Variants in DNM3 observed in about 807,000 individuals in gnomAD.
DNM3 encodes dynamin-3.
DNM3 carries 47 observed loss-of-function variants against 101.6 expected under a neutral mutation model. The ratio of observed to expected loss-of-function variants is 0.46; its 90% confidence interval spans 0.37 to 0.59. The LOEUF (loss-of-function observed/expected upper bound fraction) is 0.59, where lower values mean the gene tolerates loss of function less well. Ranked by LOEUF, DNM3 falls within the 20% of genes least tolerant of loss-of-function variation. The pLI is 0.00. For synonymous variants in DNM3, 385 were observed against 387.9 expected (o/e 0.99, Z 0.09); for missense variants, 849 against 1,085.7 (o/e 0.78, Z 3.06).
Position 172,408,419 on chromosome 1 carries a change from G to T in DNM3, c.*578G>T. On this transcript the variant is annotated 3_prime_UTR_variant, in exon 21 of 21. Coordinates refer to ENST00000627582, the MANE Select transcript of DNM3 (RefSeq NM_015569.5). ...CTTTTCCAGAAGCACGAGGTAGTTT[G>T]CAAAGGAAAAGTCTGCACTGTTTGC... The T allele has an allele frequency of 3.0e-6, 3 of 985,754 alleles. No homozygotes were observed. The South Asian group carries it at 1.4e-4, about 46-fold the overall frequency. The allele number at this position is 985,754 out of a possible 1,614,324, so 61.1% of individuals were successfully genotyped here. A position where few individuals can be genotyped will look rare whatever the true frequency, so the allele number is the denominator to read the frequency against.
At chr1:172,112,333 T>G (rs551571024) in intron 13 of DNM3, among the ~76,000 whole-genome samples, 1 of 152,306 alleles carries the variant, frequency 6.6e-6, no homozygotes, top group African/African-American at 2.4e-5. Flanking sequence ...ACATGTAGTA[T>G]GTGGTAGAGC....
chr1:172,023,745 C>A (rs1170693488), intron 4 of DNM3, among the ~76,000 whole-genome samples: 1 of 151,910 alleles, frequency 6.6e-6, no homozygotes. Context: ...TGAATAGGAT[C>A]TCTCCAACCC....
At chr1:172,247,182 C>T (rs909921683) in intron 14 of DNM3, among the ~76,000 whole-genome samples, 1 of 151,988 alleles carries the variant, frequency 6.6e-6, no homozygotes, top group Non-Finnish European at 1.5e-5. Flanking sequence ...GTGTGGTCTA[C>T]GCACGTTTTT....
chr1:172,233,261 T>G (rs1183391169), intron 14 of DNM3, among the ~76,000 whole-genome samples: 1 of 151,872 alleles, frequency 6.6e-6, no homozygotes, highest in Non-Finnish European at 1.5e-5. Context: ...TATAAACAAC[T>G]CTCTACACAA....
Position 172,409,086 on chromosome 1 carries a change from T to C in DNM3, c.*1245T>C, listed in dbSNP as rs545434969. On this transcript the variant is annotated 3_prime_UTR_variant, in exon 21 of 21. Transcript: ENST00000627582. ...CAGAACAGTTTAGCCTGGGGGTTAA[T>C]AGTTAAGTCTTGAGGCTAAGTTTTG... 2.9e-5 allele frequency: 29 copies of C among 985,380 alleles called. No homozygotes were observed. The African/African-American group carries it at 3.8e-4, about 13-fold the overall frequency. 61.0% of individuals were successfully genotyped at this position (985,380 alleles called of 1,614,324 possible). A position where few individuals can be genotyped will look rare whatever the true frequency, so the allele number is the denominator to read the frequency against.
intron 4 of DNM3, among the ~76,000 whole-genome samples, chr1:172,011,546 A>T (rs1166574199): frequency 1.3e-5 from 2 of 151,996 alleles, no homozygotes; most frequent in Non-Finnish European, 2.9e-5. Context: ...CCAAGCAGAA[A>T]GTGAGTAATG....
intron 17 of DNM3, among the ~76,000 whole-genome samples, chr1:172,362,635 C>T (rs1573607053): frequency 6.6e-6 from 1 of 151,798 alleles, no homozygotes; most frequent in East Asian, 1.9e-4. Flanking sequence ...CATCTTTGAC[C>T]CAACCCTGGT....
At chr1:171,900,156 G>A (rs553077852) in intron 1 of DNM3, among the ~76,000 whole-genome samples, 200 of 152,310 alleles carry the variant, frequency 1.3e-3, no homozygotes, top group African/African-American at 4.5e-3. Flanking sequence ...AGTGCTATTC[G>A]CACTGTATGT....
chr1:172,348,850 T>A (rs1463403905), intron 17 of DNM3, among the ~76,000 whole-genome samples: 1 of 152,226 alleles, frequency 6.6e-6, no homozygotes, highest in African/African-American at 2.4e-5. Flanking sequence ...TGGAAAAGAC[T>A]AAGGCTTGGA....
At chr1:172,051,582 A>AC (rs773023290) in intron 10 of DNM3, among the ~76,000 whole-genome samples, 7 of 152,172 alleles carry the variant, frequency 4.6e-5, no homozygotes, top group Non-Finnish European at 1.0e-4. Context: ...AATGCTGATC[A>AC]CCCCCTTCAT....
intron 14 of DNM3, among the ~76,000 whole-genome samples, chr1:172,160,191 T>C (rs1011964977): frequency 2.0e-5 from 3 of 152,062 alleles, no homozygotes; most frequent in African/African-American, 7.2e-5. Context: ...AATTACTGTA[T>C]GCTACTGCAG....
At chr1:172,101,573 C>T (rs2054642063) in intron 13 of DNM3, among the ~76,000 whole-genome samples, 1 of 152,166 alleles carries the variant, frequency 6.6e-6, no homozygotes, top group South Asian at 2.1e-4. Context: ...GGGTGTTTTA[C>T]ACACATTAGC....
At chr1:172,326,563 T>C (rs1284130017) in intron 17 of DNM3, among the ~76,000 whole-genome samples, 6 of 152,160 alleles carry the variant, frequency 3.9e-5, no homozygotes, top group African/African-American at 1.4e-4. Flanking sequence ...CTCCATGTTG[T>C]GTCTTAGACA....
At chr1:172,388,053 G>A (rs1558076145) in intron 19 of DNM3, among the ~76,000 whole-genome samples, 1 of 152,100 alleles carries the variant, frequency 6.6e-6, no homozygotes, top group Non-Finnish European at 1.5e-5. Context: ...GGCCAACATA[G>A]TGAAACCCTG....
At chr1:171,943,348 T>A (rs1218201393) in intron 2 of DNM3, among the ~76,000 whole-genome samples, 1 of 152,138 alleles carries the variant, frequency 6.6e-6, no homozygotes, top group Non-Finnish European at 1.5e-5. Flanking sequence ...GTTCAGGACA[T>A]GATGGGGAGG....
In DNM3 at chr1:172,403,034, T is replaced by C. The variant is rs564132442; in HGVS notation, c.2523-4738T>C. 8.5e-5 allele frequency among the ~76,000 whole-genome samples: 13 copies of C among 152,302 alleles called. No homozygotes were observed. The South Asian group carries it at 2.7e-3, about 32-fold the overall frequency. ...AAATGTTGGGTGGCACCCAGCAACC[T>C]GTGTTTTAACAAGGCTTCCAGGGAA... On this transcript the variant is annotated intron_variant, in intron 20 of 20. Coordinates refer to ENST00000627582, the MANE Select transcript of DNM3 (RefSeq NM_015569.5).
chr1:172,325,746 T>TACA (rs2065913006), intron 17 of DNM3, among the ~76,000 whole-genome samples: 1 of 152,194 alleles, frequency 6.6e-6, no homozygotes. Context: ...CCTGAATTGT[T>TACA]GCCTGCCATA....
At chr1:171,996,636 A>T (rs1251006427) in intron 4 of DNM3, among the ~76,000 whole-genome samples, 1 of 152,154 alleles carries the variant, frequency 6.6e-6, no homozygotes, top group Non-Finnish European at 1.5e-5. Context: ...CAAGTTATTT[A>T]ACTTCTTTGA....
chr1:171,995,964 G>A (rs1036239496), intron 4 of DNM3, among the ~76,000 whole-genome samples: 1 of 152,064 alleles, frequency 6.6e-6, no homozygotes, highest in African/African-American at 2.4e-5. Flanking sequence ...CGGGATTTGA[G>A]TATATTGGAA....
Sources: gnomAD v4.1 joint callset for allele counts (sites outside exome capture counted in the v4.1 genomes callset) on GRCh38, gnomAD v4.1.1 for gene constraint, MANE v1.5 for transcripts, NCBI Gene and HGNC (gene_info 2026-07-23, HGNC 2026-07-21) for gene names.